Variants in ADAM12 observed in about 807,000 individuals in gnomAD.
ADAM12 encodes the protein ADAM metallopeptidase domain 12, also known as disintegrin and metalloproteinase domain-containing protein 12.
In ADAM12, 70 loss-of-function variants were observed where a neutral mutation model predicts 106.4. That is an observed-to-expected ratio of 0.66 (90% CI 0.54 to 0.80). ADAM12 has a LOEUF of 0.80. ADAM12 is among the 30% of genes least tolerant of loss of function. The probability of loss-of-function intolerance (pLI) is 0.00; values close to 1 mark genes in which losing one functional copy is unlikely to be tolerated. For synonymous variants in ADAM12, 420 were observed against 433.5 expected, an observed-to-expected ratio of 0.97 and a Z score of 0.39; for missense variants, 1,010 against 1,171.9, an observed-to-expected ratio of 0.86 and a Z score of 2.02.
chr10:126,037,884 TGGGGCTGGCATTG>T (rs989308319), intron 20 of ADAM12, among the ~76,000 whole-genome samples: 9 of 152,272 alleles, frequency 5.9e-5, no homozygotes, highest in Admixed American at 2.0e-4. Context: ...GAAACCATGG[TGGGGCTGGCATTG>T]GGGGCTGGTG....
At chr10:126,267,212 A>G (rs1959113835) in intron 3 of ADAM12, among the ~76,000 whole-genome samples, 2 of 152,108 alleles carry the variant, frequency 1.3e-5, no homozygotes, top group African/African-American at 4.8e-5. Context: ...TTACACCCTT[A>G]TTCATTAGCT....
rs2133437260 is a variant in ADAM12, at chr10:126,049,278, G to A, written c.1892C>T (p.Ala631Val). 1.2e-6 allele frequency: 2 copies of A among 1,614,198 alleles called. No homozygotes were observed. Among genetic ancestry groups the A allele is most frequent in the East Asian group, 2.2e-5 (1 of 44,890 alleles). ...DDMPDPGLVL[A>V]GTKCADGKIC... The stretch of plus-strand genomic sequence containing the variant: ...TTTTCCATCTGCACACTTTGTGCCT[G>A]CAAGCACAAGCCCTGGGTCCGGCAT... Residue 631 changes from alanine (A) to valine (V), a missense_variant, in exon 16 of 23, where the codon GCA becomes GTA. Ala to Val is a moderately conservative substitution (Grantham distance 64, BLOSUM62 0). Around this residue, in one of 3 missense-constraint regions of ADAM12, gnomAD observed 615 missense variants for 708.5 expected, o/e 0.87. Coordinates refer to ENST00000448723, the MANE Select transcript of ADAM12 (RefSeq NM_001288973.2). The surrounding 1 kb of genome is among the most constrained non-coding windows in gnomAD (Gnocchi z 4.4).
intron 3 of ADAM12, among the ~76,000 whole-genome samples, chr10:126,234,599 T>C (rs1319922507): frequency 2.6e-5 from 4 of 152,180 alleles, no homozygotes; most frequent in Non-Finnish European, 5.9e-5. Flanking sequence ...TGCAGTGTAG[T>C]ATCAAACTCA....
At chr10:126,145,801 T>C (rs374133660) in intron 4 of ADAM12, among the ~76,000 whole-genome samples, 61 of 152,334 alleles carry the variant, frequency 4.0e-4, no homozygotes, top group African/African-American at 1.3e-3. Flanking sequence ...AGCTACCACA[T>C]TGGACACTAT....
At chr10:126,276,830 T>A (rs1270133399) in intron 3 of ADAM12, among the ~76,000 whole-genome samples, 2 of 152,202 alleles carry the variant, frequency 1.3e-5, no homozygotes, top group African/African-American at 2.4e-5. Context: ...GGGAACAAAT[T>A]AAGTCACCTT....
intron 1 of ADAM12, among the ~76,000 whole-genome samples, chr10:126,348,790 C>G (rs186322739): frequency 2.0e-5 from 3 of 152,254 alleles, no homozygotes; most frequent in East Asian, 1.9e-4. Context: ...TTTAGCAAAT[C>G]AAAATATAGA....
intron 1 of ADAM12, among the ~76,000 whole-genome samples, chr10:126,370,369 G>A (rs1322555370): frequency 1.3e-5 from 2 of 152,216 alleles, no homozygotes; most frequent in African/African-American, 4.8e-5. Flanking sequence ...AGCCATCATA[G>A]GTAGCAGTTA....
At chr10:126,166,738 C>A (rs1442284279) in intron 3 of ADAM12, among the ~76,000 whole-genome samples, 12 of 152,102 alleles carry the variant, frequency 7.9e-5, no homozygotes, top group Non-Finnish European at 1.3e-4. Context: ...ACCTTGTGAT[C>A]CGCCCGCCTC....
chr10:126,217,529 AG>A (rs1216103171), intron 3 of ADAM12, among the ~76,000 whole-genome samples: 1 of 151,744 alleles, frequency 6.6e-6, no homozygotes, highest in African/African-American at 2.4e-5. Flanking sequence ...CACCATGCCC[AG>A]CTAATTTTGT....
At chr10:126,366,425 C>T (rs763176232) in intron 1 of ADAM12, among the ~76,000 whole-genome samples, 1 of 151,454 alleles carries the variant, frequency 6.6e-6, no homozygotes, top group South Asian at 2.1e-4. Flanking sequence ...ATGGCAAACA[C>T]TAAAATATAA....
At position 126,064,740 on chromosome 10, in the gene ADAM12, C is replaced by G. The variant is rs1225646004; in HGVS notation, c.1609+66G>C. 2.1e-5 allele frequency: 31 copies of G among 1,487,032 alleles called. No homozygotes were observed. The highest frequency in any genetic ancestry group is 2.5e-5 in the Non-Finnish European group (28 of 1,107,780). The allele number at this position is 1,487,032 out of a possible 1,614,324, so 92.1% of individuals were successfully genotyped here. A position where few individuals can be genotyped will look rare whatever the true frequency, so the allele number is the denominator to read the frequency against. On this transcript the variant is annotated intron_variant, in intron 14 of 22. Coordinates refer to ENST00000448723, the MANE Select transcript of ADAM12 (RefSeq NM_001288973.2). The surrounding 1 kb of genome is among the most constrained non-coding windows in gnomAD (Gnocchi z 4.4). ...GGGGCTAACCAAAACAGAGCACATG[C>G]CCCCAGTCCCACAGCCCAGGTCTGC...
chr10:126,167,636 G>C (rs537728445), intron 3 of ADAM12, among the ~76,000 whole-genome samples: 1 of 148,004 alleles, frequency 6.8e-6, no homozygotes, highest in Admixed American at 6.6e-5. Context: ...GCGAGTGAAC[G>C]ATCAAACTCA....
intron 1 of ADAM12, among the ~76,000 whole-genome samples, chr10:126,341,249 C>T (rs1160292354): frequency 6.6e-6 from 1 of 152,170 alleles, no homozygotes; most frequent in Non-Finnish European, 1.5e-5. Context: ...TTGTCTGTCT[C>T]TACCACCCCT....
At chr10:126,172,879 T>A (rs1342141436) in intron 3 of ADAM12, among the ~76,000 whole-genome samples, 1 of 152,154 alleles carries the variant, frequency 6.6e-6, no homozygotes, top group Non-Finnish European at 1.5e-5. Context: ...AATGATAGAC[T>A]GGATAAAGAA....
intron 3 of ADAM12, among the ~76,000 whole-genome samples, chr10:126,169,946 C>T (rs1431599479): frequency 6.6e-6 from 1 of 152,192 alleles, no homozygotes; most frequent in Non-Finnish European, 1.5e-5. Flanking sequence ...CCGCCTAGCC[C>T]AAAGCAGGGG....
chr10:126,283,524 G>A (rs939631487), intron 2 of ADAM12, among the ~76,000 whole-genome samples: 19 of 152,206 alleles, frequency 1.2e-4, no homozygotes, highest in African/African-American at 4.6e-4. Flanking sequence ...CGGCTCACTG[G>A]GGTTTTCCTT....
At chr10:126,123,678 G>A (rs936363399) in intron 5 of ADAM12, among the ~76,000 whole-genome samples, 45 of 152,348 alleles carry the variant, frequency 3.0e-4, no homozygotes, top group Middle Eastern at 3.4e-3. Context: ...GCAGGTGGCA[G>A]AGCTGGGGAC....
chr10:126,078,326 G>T (rs541029042), intron 11 of ADAM12, among the ~76,000 whole-genome samples: 1 of 152,248 alleles, frequency 6.6e-6, no homozygotes, highest in Admixed American at 6.5e-5. Context: ...AATATGACCT[G>T]AACCTGGTCC....
chr10:126,345,967 C>T (rs1203171463), intron 1 of ADAM12, among the ~76,000 whole-genome samples: 1 of 152,134 alleles, frequency 6.6e-6, no homozygotes, highest in African/African-American at 2.4e-5. Flanking sequence ...TTTCAAAAAG[C>T]CAGCTCCTGG....
Sources: gnomAD v4.1 joint callset for allele counts (sites outside exome capture counted in the v4.1 genomes callset) on GRCh38, gnomAD v4.1.1 for gene constraint, gnomAD v4.1.1 regional missense constraint, Gnocchi (gnomAD v3.1) non-coding constraint, MANE v1.5 for transcripts, NCBI Gene and HGNC (gene_info 2026-07-23, HGNC 2026-07-21) for gene names.